Variants in CDH13 observed in about 807,000 individuals in gnomAD.
CDH13 encodes cadherin-13.
CDH13 carries 24 observed loss-of-function variants against 63.8 expected under a neutral mutation model. The observed-to-expected ratio is 0.38, with a 90% CI of 0.27 to 0.53. The LOEUF is 0.53. CDH13 is among the 20% of genes least tolerant of loss of function. The pLI, the probability that CDH13 is intolerant of heterozygous loss-of-function variation, is 0.85. For synonymous variants in CDH13, 503 were observed against 355.3 expected (o/e 1.42, Z -4.67); for missense variants, 1,049 against 903.1 (o/e 1.16, Z -2.07).
intron 10 of CDH13, among the ~76,000 whole-genome samples, chr16:83,747,009 A>G (rs1439586936): frequency 2.6e-5 from 4 of 152,090 alleles, no homozygotes; most frequent in Admixed American, 2.0e-4. Context: ...GTTTCTCAAA[A>G]CTCATTAACT....
intron 2 of CDH13, among the ~76,000 whole-genome samples, chr16:82,988,548 G>A (rs1911244089): frequency 6.6e-6 from 1 of 152,044 alleles, no homozygotes; most frequent in Non-Finnish European, 1.5e-5. Context: ...GATCACCTGA[G>A]GTCAGGAGTT....
chr16:82,920,943 A>G (rs1318318144), intron 2 of CDH13, among the ~76,000 whole-genome samples: 1 of 152,190 alleles, frequency 6.6e-6, no homozygotes, highest in African/African-American at 2.4e-5. Context: ...TTTATCATGA[A>G]TAAGTGTTAG....
intron 1 of CDH13, among the ~76,000 whole-genome samples, chr16:82,813,560 A>G (rs1414926923): frequency 1.3e-5 from 2 of 152,106 alleles, no homozygotes; most frequent in Non-Finnish European, 2.9e-5. Context: ...TTAAGATAAA[A>G]GGCTTCAAAA....
intron 6 of CDH13, among the ~76,000 whole-genome samples, chr16:83,449,370 T>G (rs2072814088): frequency 6.6e-6 from 1 of 152,064 alleles, no homozygotes; most frequent in Non-Finnish European, 1.5e-5. Context: ...GAAGTCCCTG[T>G]CCGCTGGGCA....
At chr16:83,762,419 G>A (rs1047921967) in intron 11 of CDH13, among the ~76,000 whole-genome samples, 6 of 152,096 alleles carry the variant, frequency 3.9e-5, no homozygotes, top group Non-Finnish European at 1.5e-5. Context: ...AAACCCAAGC[G>A]GTAGAGAGAA....
At chr16:83,493,887 T>G (rs928926882) in intron 7 of CDH13, among the ~76,000 whole-genome samples, 1 of 152,220 alleles carries the variant, frequency 6.6e-6, no homozygotes, top group Non-Finnish European at 1.5e-5. Flanking sequence ...GACTGACAAG[T>G]TGGTTCTCGA....
intron 10 of CDH13, among the ~76,000 whole-genome samples, chr16:83,743,758 T>TTTTTTTTTTTTTTTG: frequency 7.6e-6 from 1 of 131,368 alleles, no homozygotes; most frequent in African/African-American, 2.9e-5. Context: ...CTTTTTTTTT[T>TTTTTTTTTTTTTTTG]TTTTTTTTTC....
At chr16:82,861,271 T>C (rs1350275167) in intron 2 of CDH13, among the ~76,000 whole-genome samples, 3 of 152,208 alleles carry the variant, frequency 2.0e-5, no homozygotes, top group Non-Finnish European at 4.4e-5. Context: ...CACTTCATAT[T>C]TTTCCTTTAT....
intron 7 of CDH13, among the ~76,000 whole-genome samples, chr16:83,557,935 G>A (rs1165412427): frequency 6.6e-6 from 1 of 152,066 alleles, no homozygotes. Context: ...TGGGGTGAAG[G>A]GTCTATAGAT....
intron 3 of CDH13, among the ~76,000 whole-genome samples, chr16:83,100,722 G>A (rs1005948225): frequency 1.3e-5 from 2 of 152,176 alleles, no homozygotes; most frequent in Admixed American, 1.3e-4. Flanking sequence ...CTCAAGCCAG[G>A]TAGGATAGAC....
chr16:83,538,906 C>T (rs2075247044), intron 7 of CDH13, among the ~76,000 whole-genome samples: 1 of 152,088 alleles, frequency 6.6e-6, no homozygotes, highest in Non-Finnish European at 1.5e-5. Context: ...CTTAGTCATC[C>T]TTCGCAAATA....
chr16:83,269,588 TCACTC>T (rs1258473676), intron 5 of CDH13, among the ~76,000 whole-genome samples: 1 of 152,114 alleles, frequency 6.6e-6, no homozygotes, highest in African/African-American at 2.4e-5. Flanking sequence ...AATTCTGGGA[TCACTC>T]CACCCCAAAA....
chr16:83,678,853 G>A (rs977497882), intron 10 of CDH13, among the ~76,000 whole-genome samples: 7 of 152,164 alleles, frequency 4.6e-5, no homozygotes, highest in East Asian at 1.9e-4. Flanking sequence ...TGCTAACTCC[G>A]TTTACAGATA....
At chr16:82,925,717 A>G (rs2042283378) in intron 2 of CDH13, among the ~76,000 whole-genome samples, 1 of 152,228 alleles carries the variant, frequency 6.6e-6, no homozygotes, top group Non-Finnish European at 1.5e-5. Context: ...CCCACAGCCC[A>G]TGAATTTAAA....
intron 11 of CDH13, among the ~76,000 whole-genome samples, chr16:83,756,176 A>C (rs149298061): frequency 3.3e-3 from 499 of 152,320 alleles, no homozygotes; most frequent in Non-Finnish European, 5.0e-3. Context: ...CCAAAATAAG[A>C]AAGGAGGGGG....
At chr16:82,769,451 G>C (rs371869109) in intron 1 of CDH13, among the ~76,000 whole-genome samples, 1 of 152,146 alleles carries the variant, frequency 6.6e-6, no homozygotes, top group African/African-American at 2.4e-5. Context: ...CATGCCCTCA[G>C]CATCAGGGAA....
At chr16:83,277,504 G>T (rs537625648) in intron 5 of CDH13, among the ~76,000 whole-genome samples, 1 of 152,318 alleles carries the variant, frequency 6.6e-6, no homozygotes, top group East Asian at 1.9e-4. Context: ...TTCTTAAAGT[G>T]TGATCAGTGA....
intron 2 of CDH13, among the ~76,000 whole-genome samples, chr16:82,956,675 T>C (rs2151332429): frequency 6.6e-6 from 1 of 152,334 alleles, no homozygotes; most frequent in Admixed American, 6.5e-5. Flanking sequence ...CCCACTCCCT[T>C]AGCAGATGCT....
intron 7 of CDH13, among the ~76,000 whole-genome samples, chr16:83,588,902 G>A (rs1408812583): frequency 6.6e-6 from 1 of 152,218 alleles, no homozygotes; most frequent in Non-Finnish European, 1.5e-5. Flanking sequence ...AGGCTGCTGG[G>A]CGTCTCAGTG....
Sources: allele counts gnomAD v4.1 joint callset (sites outside exome capture counted in the v4.1 genomes callset), GRCh38; gene constraint gnomAD v4.1.1; transcripts MANE v1.5; gene names NCBI Gene and HGNC (gene_info 2026-07-23, HGNC 2026-07-21).